The following PLCB4 variants were observed in gnomAD, a reference collection of about 807,000 sequenced individuals.
The protein encoded by PLCB4 is 1-phosphatidylinositol 4,5-bisphosphate phosphodiesterase beta-4.
In PLCB4, 77 loss-of-function variants were observed where a neutral mutation model predicts 178.8. The ratio of observed to expected loss-of-function variants is 0.43; its 90% CI spans 0.36 to 0.52. The LOEUF is 0.52. PLCB4 is among the 20% of genes least tolerant of loss of function. The pLI is 0.00. For synonymous variants in PLCB4, 496 were observed against 490.8 expected (o/e 1.01, Z -0.14); for missense variants, 1,024 against 1,453.4 (o/e 0.70, Z 4.80).
intron 34 of PLCB4, among the ~76,000 whole-genome samples, chr20:9,458,538 G>C (rs1407448170): frequency 1.3e-5 from 2 of 152,166 alleles, no homozygotes; most frequent in African/African-American, 4.8e-5. Context: ...CCATACTTCT[G>C]CTGATTTTGG....
chr20:9,251,888 A>C (rs1285974233), intron 3 of PLCB4, among the ~76,000 whole-genome samples: 3 of 152,214 alleles, frequency 2.0e-5, no homozygotes, highest in Admixed American at 2.0e-4. Flanking sequence ...TTATTAACCA[A>C]TATATTCATA....
At chr20:9,161,696 T>C (rs1006980166) in intron 2 of PLCB4, among the ~76,000 whole-genome samples, 4 of 152,232 alleles carry the variant, frequency 2.6e-5, no homozygotes, top group African/African-American at 9.6e-5. Context: ...GGACTTTGTA[T>C]ATTTTTTTTC....
intron 3 of PLCB4, among the ~76,000 whole-genome samples, chr20:9,305,119 C>T (rs1033229578): frequency 1.4e-5 from 2 of 147,618 alleles, no homozygotes; most frequent in South Asian, 2.1e-4. Flanking sequence ...TTACCTAATC[C>T]GAAAACATCT....
chr20:9,271,309 C>A (rs2094400040), intron 3 of PLCB4, among the ~76,000 whole-genome samples: 1 of 152,148 alleles, frequency 6.6e-6, no homozygotes, highest in South Asian at 2.1e-4. Context: ...ATTTATTCTA[C>A]CCCAGACATT....
chr20:9,366,710 A>G (rs563441322), intron 9 of PLCB4, among the ~76,000 whole-genome samples: 1 of 152,304 alleles, frequency 6.6e-6, no homozygotes, highest in African/African-American at 2.4e-5. Context: ...GCCCCAGGGC[A>G]TCTGCTTTTC....
chr20:9,218,722 T>G (rs1446701786), intron 3 of PLCB4, among the ~76,000 whole-genome samples: 1 of 152,222 alleles, frequency 6.6e-6, no homozygotes, highest in East Asian at 1.9e-4. Context: ...TGATCAGTGT[T>G]TAATGATGAC....
At chr20:9,373,167 C>G in intron 12 of PLCB4, 63 bp downstream of exon 12, 1 of 766,056 alleles carries the variant, frequency 1.3e-6, no homozygotes, top group Non-Finnish European at 2.3e-6. Context: ...TCTCTGGTGT[C>G]CTCATTGCAT....
At chr20:9,090,929 T>C (rs2090653309) in intron 1 of PLCB4, among the ~76,000 whole-genome samples, 1 of 152,222 alleles carries the variant, frequency 6.6e-6, no homozygotes, top group Non-Finnish European at 1.5e-5. Flanking sequence ...GCAATTTGTT[T>C]TCTTTCGACA....
chr20:9,226,691 A>T (rs1409772329), intron 3 of PLCB4, among the ~76,000 whole-genome samples: 1 of 152,180 alleles, frequency 6.6e-6, no homozygotes. Flanking sequence ...CATGAGGCTC[A>T]GAACTAATTT....
intron 9 of PLCB4, among the ~76,000 whole-genome samples, chr20:9,369,599 C>A (rs1005571317): frequency 2.0e-5 from 3 of 152,154 alleles, no homozygotes; most frequent in Non-Finnish European, 4.4e-5. Flanking sequence ...TATTTGAATA[C>A]AACTGTCTCA....
chr20:9,398,558 A>AC (rs1300309949), intron 19 of PLCB4, among the ~76,000 whole-genome samples: 6 of 152,194 alleles, frequency 3.9e-5, no homozygotes, highest in Non-Finnish European at 8.8e-5. Context: ...AGTAAAACAA[A>AC]CTGCAGAAAT....
chr20:9,182,664 A>G (rs2093266600), intron 2 of PLCB4, among the ~76,000 whole-genome samples: 1 of 151,944 alleles, frequency 6.6e-6, no homozygotes, highest in Admixed American at 6.6e-5. Flanking sequence ...TAGGAAATGA[A>G]CTCCCAGCTC....
intron 27 of PLCB4, 95 bp downstream of exon 27, chr20:9,421,556 C>T (rs776787511): frequency 6.6e-5 from 60 of 906,160 alleles, no homozygotes; most frequent in Admixed American, 3.2e-4. Flanking sequence ...CTTATTCAAC[C>T]GACAACATCT....
intron 7 of PLCB4, among the ~76,000 whole-genome samples, chr20:9,354,836 T>C (rs1315133397): frequency 1.3e-5 from 2 of 152,212 alleles, no homozygotes; most frequent in Admixed American, 6.5e-5. Context: ...AATCCAACTC[T>C]GTGGTTCACA....
intron 3 of PLCB4, among the ~76,000 whole-genome samples, chr20:9,301,604 A>T (rs2147831429): frequency 6.6e-6 from 1 of 152,162 alleles, no homozygotes; most frequent in African/African-American, 2.4e-5. Flanking sequence ...GTTCACCCCA[A>T]CCGAATGGAT....
chr20:9,131,481 T>G (rs183479120), intron 2 of PLCB4, among the ~76,000 whole-genome samples: 67 of 152,292 alleles, frequency 4.4e-4, no homozygotes, highest in Admixed American at 1.0e-3. Context: ...CTCCTTTGAG[T>G]GCAGTTGGTG....
intron 2 of PLCB4, among the ~76,000 whole-genome samples, chr20:9,161,834 AC>A (rs143965264): frequency 0.012 from 1,817 of 152,266 alleles, 56 homozygotes; most frequent in East Asian, 0.07. Context: ...AGTGTTTGTT[AC>A]CTGGTGAATC....
At chr20:9,427,776 A>G (rs1383341802) in intron 28 of PLCB4, among the ~76,000 whole-genome samples, 3 of 152,112 alleles carry the variant, frequency 2.0e-5, no homozygotes, top group Admixed American at 2.0e-4. Flanking sequence ...TTTTATTATT[A>G]CTGAGTGATA....
In PLCB4 at chr20:9,400,827, G is replaced by A. The variant is rs2038968825; in HGVS notation, c.1511-663G>A. On this transcript the variant is annotated intron_variant, in intron 19 of 39. Transcript: ENST00000378473. ...TTTCCTGGACCAATGAACACAGTGT[G>A]TGTACTTCCTTTCACAGACTAGACC... Among the ~76,000 whole-genome samples the A allele has an allele frequency of 2.6e-5, 4 of 152,148 alleles. No homozygotes were observed. In the South Asian group the frequency reaches 8.3e-4, roughly 31 times the overall value.
Sources: gnomAD v4.1 joint callset for allele counts (sites outside exome capture counted in the v4.1 genomes callset) on GRCh38, gnomAD v4.1.1 for gene constraint, MANE v1.5 for transcripts, NCBI Gene and HGNC (gene_info 2026-07-23, HGNC 2026-07-21) for gene names.